The following TP63 variants were observed in gnomAD, a reference collection of about 807,000 sequenced individuals.
TP63 encodes the protein tumor protein p63, also known as tumor protein 63.
In TP63, 17 loss-of-function variants were observed where a neutral mutation model predicts 82.8. The ratio of observed to expected loss-of-function variants is 0.21; its 90% CI spans 0.14 to 0.31. The LOEUF is 0.31. Among genes scored for constraint, TP63 ranks in the 10% least tolerant of loss-of-function variants. The probability of loss-of-function intolerance (pLI) is 1.00; values close to 1 mark genes in which losing one functional copy is unlikely to be tolerated. For missense variants in TP63, 648 were observed against 895.3 expected, an observed-to-expected ratio of 0.72 and a Z score of 3.52; for synonymous variants, 330 against 321.7, an observed-to-expected ratio of 1.03 and a Z score of -0.28.
At chr3:189,771,464 A>AT (rs1438742287) in intron 3 of TP63, among the ~76,000 whole-genome samples, 6 of 142,484 alleles carry the variant, frequency 4.2e-5, no homozygotes, top group African/African-American at 1.5e-4. Context: ...TTAAATATAT[A>AT]ATATTTAATA....
chr3:189,823,049 G>C (rs1247651506), intron 4 of TP63, among the ~76,000 whole-genome samples: 4 of 152,178 alleles, frequency 2.6e-5, no homozygotes, highest in Non-Finnish European at 4.4e-5. Flanking sequence ...GCATCCAGAA[G>C]AGAAGTATTT....
chr3:189,826,007 T>C (rs548649236), intron 4 of TP63, among the ~76,000 whole-genome samples: 9 of 152,214 alleles, frequency 5.9e-5, no homozygotes, highest in African/African-American at 1.9e-4. Flanking sequence ...GTGAGCTACA[T>C]GGAGGACAGG....
rs530079840 is a variant in TP63, at chr3:189,889,583, A to G, written c.1652+99A>G. ...GTCCATAAAACAGTTGGAAGGGAAGACAGCAGTCCTGTGGTTGGAGTTCAG... is the reference window on the plus strand; with the variant it reads ...GTCCATAAAACAGTTGGAAGGGAAGGCAGCAGTCCTGTGGTTGGAGTTCAG... On this transcript the variant is annotated intron_variant, in intron 12 of 13. Coordinates refer to ENST00000264731, the MANE Select transcript of TP63 (RefSeq NM_003722.5). 176 of 1,530,758 alleles carry G rather than the reference A, an allele frequency of 1.1e-4. No individual in the cohort carries two copies. In the South Asian group the frequency reaches 1.9e-3, roughly 17 times the overall value. The allele number at this position is 1,530,758 out of a possible 1,614,324, so 94.8% of individuals were successfully genotyped here. A position where few individuals can be genotyped will look rare whatever the true frequency, so the allele number is the denominator to read the frequency against.
At chr3:189,854,072 G>T (rs1715990522) in intron 4 of TP63, among the ~76,000 whole-genome samples, 1 of 152,160 alleles carries the variant, frequency 6.6e-6, no homozygotes. Context: ...TCTGTTCCCA[G>T]TACAGAATAA....
intron 3 of TP63, among the ~76,000 whole-genome samples, chr3:189,800,282 G>A (rs1726147782): frequency 6.6e-6 from 1 of 151,968 alleles, no homozygotes; most frequent in Non-Finnish European, 1.5e-5. Flanking sequence ...TGCCTCACAG[G>A]CCACGTTAAA....
At chr3:189,606,342 A>G in the TP63 span, among the ~76,000 whole-genome samples, 3 of 152,118 alleles carry the variant, frequency 2.0e-5, no homozygotes, top group Admixed American at 2.0e-4. Context: ...TCAACAGTTC[A>G]TGGCTGGAAA....
chr3:189,809,285 A>G (rs1307125429), intron 4 of TP63, among the ~76,000 whole-genome samples: 1 of 152,174 alleles, frequency 6.6e-6, no homozygotes, highest in Non-Finnish European at 1.5e-5. Context: ...AAGATACAAG[A>G]ATTAGTCCAA....
chr3:189,811,339 G>T (rs1433139767), intron 4 of TP63, among the ~76,000 whole-genome samples: 1 of 152,186 alleles, frequency 6.6e-6, no homozygotes, highest in Non-Finnish European at 1.5e-5. Context: ...TTGGTTAAGT[G>T]ATTTTGCTTC....
chr3:189,808,585 C>T (rs1727190542), intron 4 of TP63, 59 bp downstream of exon 4: 7 of 1,607,326 alleles, frequency 4.4e-6, no homozygotes, highest in African/African-American at 1.3e-5. Flanking sequence ...GGCTTCACCA[C>T]GTCCCAGGGA....
chr3:189,883,803 C>T (rs1384369524), intron 10 of TP63, among the ~76,000 whole-genome samples: 2 of 152,176 alleles, frequency 1.3e-5, no homozygotes, highest in Non-Finnish European at 2.9e-5. Context: ...TTCTGACCTA[C>T]CCTCCTCAAA....
intron 3 of TP63, among the ~76,000 whole-genome samples, chr3:189,772,604 G>A (rs1723460041): frequency 6.6e-6 from 1 of 152,162 alleles, no homozygotes; most frequent in African/African-American, 2.4e-5. Flanking sequence ...GAGTTTGGTG[G>A]CTGTTTAGTG....
chr3:189,615,732 G>A, the TP63 span, among the ~76,000 whole-genome samples: 8 of 152,080 alleles, frequency 5.3e-5, no homozygotes, highest in South Asian at 4.1e-4. Context: ...TATTTATGTC[G>A]TTACCTCAGG....
Position 189,739,687 on chromosome 3 carries a change from G to GTACTCCT in TP63, c.324+915_324+916insCTCCTTA, listed in dbSNP as rs1720839893. On this transcript the variant is annotated intron_variant, in intron 3 of 13. Coordinates refer to ENST00000264731, the MANE Select transcript of TP63 (RefSeq NM_003722.5). Reference sequence around the variant, plus strand: ...ATCATAGGTGTTACATACTTCCCAGGTAAGCTAAGGAGTTTAATGGGTTAA... The same window carrying GTACTCCT: ...ATCATAGGTGTTACATACTTCCCAGGTACTCCTTAAGCTAAGGAGTTTAATGGGTTAA... Among the ~76,000 whole-genome samples the GTACTCCT allele has an allele frequency of 2.0e-5, 3 of 151,946 alleles. No homozygotes were observed. The East Asian group carries it at 5.8e-4, about 29-fold the overall frequency.
At chr3:189,809,516 T>C (rs1229878945) in intron 4 of TP63, among the ~76,000 whole-genome samples, 1 of 150,048 alleles carries the variant, frequency 6.7e-6, no homozygotes, top group African/African-American at 2.5e-5. Context: ...GTCAAACAAC[T>C]TAATCAAGAC....
At chr3:189,638,016 A>C (rs1164323772) in intron 1 of TP63, among the ~76,000 whole-genome samples, 5 of 152,132 alleles carry the variant, frequency 3.3e-5, no homozygotes, top group Admixed American at 3.3e-4. Flanking sequence ...GGGCAAGGAA[A>C]CCGATTTTCT....
intron 10 of TP63, 62 bp downstream of exon 10, chr3:189,873,057 A>T (rs1331059695): frequency 1.2e-6 from 2 of 1,610,372 alleles, no homozygotes; most frequent in Non-Finnish European, 8.5e-7. Context: ...TTGGATCAGC[A>T]ATAGGGTGAT....
At chr3:189,694,836 C>T (rs1233690039) in intron 1 of TP63, among the ~76,000 whole-genome samples, 8 of 72,710 alleles carry the variant, frequency 1.1e-4, no homozygotes, top group African/African-American at 3.4e-4. Context: ...GACAGAGTCT[C>T]GCTCTGTCTC....
chr3:189,872,245 C>T (rs1442842448), intron 9 of TP63, among the ~76,000 whole-genome samples: 1 of 97,354 alleles, frequency 1.0e-5, no homozygotes, highest in Non-Finnish European at 2.0e-5. Flanking sequence ...TCCTATGCAC[C>T]TCTGGTCACA....
At chr3:189,819,747 C>CTTTTT (rs367763002) in intron 4 of TP63, among the ~76,000 whole-genome samples, 8 of 89,834 alleles carry the variant, frequency 8.9e-5, no homozygotes, top group Admixed American at 1.6e-4. Flanking sequence ...TATATTTTAC[C>CTTTTT]TTTTTTTTTT....
Sources: allele counts gnomAD v4.1 joint callset (sites outside exome capture counted in the v4.1 genomes callset), GRCh38; gene constraint gnomAD v4.1.1; transcripts MANE v1.5; gene names NCBI Gene and HGNC (gene_info 2026-07-23, HGNC 2026-07-21).